The following NUP133 variants were observed in gnomAD, a reference collection of about 807,000 sequenced individuals.
NUP133 encodes nucleoporin 133.
A neutral mutation model predicts 146.2 loss-of-function variants in NUP133; 66 were observed. The observed-to-expected ratio is 0.45, with a 90% CI of 0.37 to 0.55. NUP133 has a LOEUF of 0.55. NUP133 is among the 20% of genes least tolerant of loss of function. NUP133 has a pLI of 0.00. For synonymous variants in NUP133, 521 were observed against 498.8 expected (o/e 1.04, Z -0.59); for missense variants, 1,277 against 1,374.8 (o/e 0.93, Z 1.12).
chr1:229,465,903 A>AG (rs1425683141), intron 16 of NUP133, among the ~76,000 whole-genome samples: 26 of 151,542 alleles, frequency 1.7e-4, no homozygotes, highest in Admixed American at 1.3e-4. Context: ...AAAAAAAAAA[A>AG]AAAAAAGAAA....
At chr1:229,463,414 C>G in intron 19 of NUP133, 129 bp downstream of exon 19, 3 of 1,049,754 alleles carry the variant, frequency 2.9e-6, no homozygotes, top group Non-Finnish European at 4.0e-6. Context: ...TTAGTATCTT[C>G]TCATCAAAGT....
chr1:229,443,044 T>C (rs897873372), intron 25 of NUP133, among the ~76,000 whole-genome samples: 1 of 152,082 alleles, frequency 6.6e-6, no homozygotes, highest in Non-Finnish European at 1.5e-5. Flanking sequence ...TATTTTTTAT[T>C]GAGACAGGGT....
chr1:229,467,360 A>T (rs566582642), intron 15 of NUP133, among the ~76,000 whole-genome samples: 1 of 152,364 alleles, frequency 6.6e-6, no homozygotes, highest in South Asian at 2.1e-4. Flanking sequence ...CATTATTTAG[A>T]GTTTGCATAG....
chr1:229,484,352 T>C (rs1661294170), intron 11 of NUP133, among the ~76,000 whole-genome samples: 1 of 152,032 alleles, frequency 6.6e-6, no homozygotes. Flanking sequence ...TACACTAACA[T>C]TAATGATAGC....
intron 9 of NUP133, among the ~76,000 whole-genome samples, chr1:229,487,896 G>C (rs988300976): frequency 6.8e-6 from 1 of 147,970 alleles, no homozygotes; most frequent in African/African-American, 2.5e-5. Context: ...CAGGCTGGAG[G>C]GTAGTGGTGC....
At chr1:229,463,404 T>C (rs1015957519) in intron 19 of NUP133, 139 bp downstream of exon 19, 5 of 969,092 alleles carry the variant, frequency 5.2e-6, no homozygotes, top group Non-Finnish European at 7.4e-6. Flanking sequence ...GACATACAAA[T>C]TAGTATCTTC....
In NUP133 at chr1:229,458,276, A is replaced by T; in HGVS notation, c.2865T>A (p.Gly955=). Residue 955 remains glycine (G), a synonymous_variant, in exon 21 of 26, where the codon GGT becomes GGA. Transcript: ENST00000261396. ...AGTAACGAGTTTCCATATTTGCCAA[A>T]CCCAGAAGTGTTGCATGAGCCTACA... is the stretch of plus-strand genomic sequence containing the variant. The part of the protein sequence containing the change: ...ELEKAHATLL[G]LANMETRYFA... 1 of 1,613,254 alleles carries T rather than the reference A, an allele frequency of 6.2e-7. No homozygotes were observed. Among genetic ancestry groups the T allele is most frequent in the South Asian group, 1.1e-5 (1 of 91,000 alleles).
At chr1:229,501,190 C>T (rs1661789930) in intron 3 of NUP133, among the ~76,000 whole-genome samples, 1 of 152,088 alleles carries the variant, frequency 6.6e-6, no homozygotes, top group Non-Finnish European at 1.5e-5. Flanking sequence ...TGGAACTTTC[C>T]CAATTTACTC....
At chr1:229,489,830 C>G in intron 9 of NUP133, 125 bp downstream of exon 9, 1 of 783,418 alleles carries the variant, frequency 1.3e-6, no homozygotes, top group Middle Eastern at 4.0e-4. Flanking sequence ...GAGCTGAGAT[C>G]AAGCCACTGC....
intron 8 of NUP133, among the ~76,000 whole-genome samples, chr1:229,494,845 A>G (rs1321486135): frequency 6.6e-6 from 1 of 152,200 alleles, no homozygotes; most frequent in East Asian, 1.9e-4. Context: ...CTCCAATGAG[A>G]GAAAGATCAC....
chr1:229,469,381 T>C (rs1223779836), intron 15 of NUP133, among the ~76,000 whole-genome samples: 1 of 152,194 alleles, frequency 6.6e-6, no homozygotes, highest in Admixed American at 6.5e-5. Context: ...TCTTAACCAT[T>C]TCTGTCTTTG....
intron 21 of NUP133, among the ~76,000 whole-genome samples, chr1:229,456,292 C>T (rs1660557779): frequency 6.6e-6 from 1 of 152,144 alleles, no homozygotes; most frequent in Non-Finnish European, 1.5e-5. Flanking sequence ...TCTCAGCATC[C>T]TCTGGTGACC....
rs10458374 is a variant in NUP133 at position 229,440,389 on chromosome 1, C to G, written c.*1515G>C. 0.15 allele frequency: 22,277 copies of G among 152,194 alleles called. 1,793 individuals are homozygous for G. The highest frequency in any genetic ancestry group is 0.24 in the Middle Eastern group (72 of 294). 9.4% of individuals were successfully genotyped at this position (152,194 alleles called of 1,614,324 possible). The stretch of plus-strand genomic sequence containing the variant: ...TTTTCTTCCCTTGAACAGGATGACT[C>G]TACTTCACACGGTAAGAGCAGTCGT... On this transcript the variant is annotated 3_prime_UTR_variant, in exon 26 of 26. Transcript: ENST00000261396.
intron 1 of NUP133, chr1:229,507,843 G>C (rs1449745248): frequency 1.1e-6 from 1 of 880,164 alleles, no homozygotes; most frequent in Non-Finnish European, 1.4e-6. Flanking sequence ...CTTCACTTCT[G>C]CACAAAGGTA....
chr1:229,443,571 G>A (rs761823574), intron 25 of NUP133, among the ~76,000 whole-genome samples: 4 of 152,036 alleles, frequency 2.6e-5, no homozygotes, highest in Non-Finnish European at 5.9e-5. Flanking sequence ...AAGGTTATCT[G>A]TATCTCCCTA....
At chr1:229,503,743 G>A (rs990234004) in intron 2 of NUP133, among the ~76,000 whole-genome samples, 6 of 152,160 alleles carry the variant, frequency 3.9e-5, no homozygotes, top group African/African-American at 1.2e-4. Flanking sequence ...CCAGATCCTC[G>A]ACCGGTGTGC....
chr1:229,508,176 G>A lies in NUP133; in HGVS notation c.74C>T (p.Pro25Leu), dbSNP rs1383762086. The A allele has an allele frequency of 6.3e-7, 1 of 1,589,244 alleles. No individual in the cohort carries two copies. Among genetic ancestry groups the A allele is most frequent in the Non-Finnish European group, 8.6e-7 (1 of 1,169,554 alleles). ...SRRGPLAGLG[P>L]GSTPRTASRK... The stretch of plus-strand genomic sequence containing the variant: ...GCTAGCCGTCCGGGGCGTGGAGCCG[G>A]GCCCGAGTCCGGCCAGCGGGCCCCT... The change falls in exon 1 of 26, where the codon CCC becomes CTC. Residue 25 changes from proline to leucine, a missense_variant. By Grantham distance (98) the Pro-to-Leu change is moderately conservative (BLOSUM62 -3). This residue lies in a region of NUP133 where 319 missense variants were observed against 306.9 expected (regional missense o/e 1.04). Coordinates refer to ENST00000261396, the MANE Select transcript of NUP133 (RefSeq NM_018230.3).
rs779517942 is a variant in NUP133 at position 229,486,521 on chromosome 1, A to C, written c.1350T>G (p.Ser450Arg). 6 of 1,605,380 alleles carry C rather than the reference A, an allele frequency of 3.7e-6. No homozygotes were observed. Among genetic ancestry groups the C allele is most frequent in the Non-Finnish European group, 4.2e-6 (5 of 1,177,722 alleles). Residue 450 changes from serine to arginine, a missense_variant, in exon 11 of 26, where the codon AGT (serine) becomes AGG (arginine). By Grantham distance (110) the Ser-to-Arg change is moderately radical. Around this residue, in one of 3 missense-constraint regions of NUP133, gnomAD observed 952 missense variants for 1,047.0 expected, o/e 0.91. Coordinates refer to ENST00000261396, the MANE Select transcript of NUP133 (RefSeq NM_018230.3). Reference protein sequence around the residue: ...EKIVFNAQGDSVLGAGACGGV... With the variant: ...EKIVFNAQGDRVLGAGACGGV... ...CACCACAGGCACCAGCACCTAAAAC[A>C]CTATCTCCTAAAAGAAAGGAAAACA...
chr1:229,457,313 CAG>C (rs1660592032), intron 21 of NUP133, among the ~76,000 whole-genome samples: 2 of 152,014 alleles, frequency 1.3e-5, no homozygotes, highest in Non-Finnish European at 2.9e-5. Flanking sequence ...TTCAATAATA[CAG>C]AGTTTTTCTT....
Sources: allele counts gnomAD v4.1 joint callset (sites outside exome capture counted in the v4.1 genomes callset), GRCh38; gene constraint gnomAD v4.1.1; regional missense constraint gnomAD v4.1.1; transcripts MANE v1.5; gene names NCBI Gene and HGNC (gene_info 2026-07-23, HGNC 2026-07-21).